Variants in RAPGEF1 observed in about 807,000 individuals in gnomAD.
RAPGEF1 encodes CRK SH3-binding GNRP.
In RAPGEF1, 33 loss-of-function variants were observed where a neutral mutation model predicts 143.3. The observed-to-expected ratio is 0.23, with a 90% CI of 0.17 to 0.31. The LOEUF is 0.31. RAPGEF1 is among the 10% of genes least tolerant of loss of function. The probability of loss-of-function intolerance (pLI) is 1.00; values close to 1 mark genes in which losing one functional copy is unlikely to be tolerated. For missense variants in RAPGEF1, 1,199 were observed against 1,645.4 expected, an observed-to-expected ratio of 0.73 and a Z score of 4.69; for synonymous variants, 629 against 676.5, an observed-to-expected ratio of 0.93 and a Z score of 1.09.
chr9:131,600,020 G>A (rs1455074776), intron 15 of RAPGEF1, among the ~76,000 whole-genome samples: 1 of 152,118 alleles, frequency 6.6e-6, no homozygotes, highest in Admixed American at 6.5e-5. Flanking sequence ...GGAGGCTGGG[G>A]CAGGAGAATC....
chr9:131,676,165 C>T (rs1380582243), intron 1 of RAPGEF1, among the ~76,000 whole-genome samples: 1 of 152,170 alleles, frequency 6.6e-6, no homozygotes, highest in African/African-American at 2.4e-5. Context: ...TAAAAGAAAA[C>T]CGTGGACAGA....
intron 1 of RAPGEF1, among the ~76,000 whole-genome samples, chr9:131,685,272 A>G (rs1833246113): frequency 6.6e-6 from 1 of 152,202 alleles, no homozygotes; most frequent in Non-Finnish European, 1.5e-5. Flanking sequence ...CCTTGCTTTT[A>G]TGGATTTGCA....
At chr9:131,705,604 G>T (rs931029709) in intron 1 of RAPGEF1, among the ~76,000 whole-genome samples, 2 of 152,006 alleles carry the variant, frequency 1.3e-5, no homozygotes, top group African/African-American at 4.8e-5. Flanking sequence ...AACTCACTGC[G>T]GTAATACAAA....
chr9:131,682,600 G>C (rs1474051676), intron 1 of RAPGEF1, among the ~76,000 whole-genome samples: 1 of 152,200 alleles, frequency 6.6e-6, no homozygotes, highest in Non-Finnish European at 1.5e-5. Flanking sequence ...TCAAATTGTT[G>C]TAACTACTTC....
chr9:131,660,689 T>C (rs1420994477), intron 1 of RAPGEF1, among the ~76,000 whole-genome samples: 1 of 152,152 alleles, frequency 6.6e-6, no homozygotes, highest in African/African-American at 2.4e-5. Context: ...GGATGCGACA[T>C]AGTCAAACTG....
rs528935495 is a variant in RAPGEF1, at chr9:131,583,008, G to A, written c.3415-306C>T. On this transcript the variant is annotated intron_variant, in intron 24 of 26. Coordinates refer to ENST00000683357, the MANE Select transcript of RAPGEF1 (RefSeq NM_001377935.1). This position sits in a 1 kb window ranked among gnomAD's most constrained non-coding sequence, Gnocchi z 4.7. Reference sequence around the variant, plus strand: ...AGCGCTTGTGTGTATACGACATCCCGGAAGATGGGCTCCTGCCTGGCCCTG... The same window carrying A: ...AGCGCTTGTGTGTATACGACATCCCAGAAGATGGGCTCCTGCCTGGCCCTG... 5.2e-4 allele frequency among the ~76,000 whole-genome samples: 79 copies of A among 152,304 alleles called. No homozygotes were observed. Among genetic ancestry groups the A allele is most frequent in the Non-Finnish European group, 9.3e-4 (63 of 68,020 alleles).
chr9:131,659,963 C>T (rs553575178), intron 1 of RAPGEF1, among the ~76,000 whole-genome samples: 16 of 152,220 alleles, frequency 1.1e-4, no homozygotes, highest in African/African-American at 3.1e-4. Flanking sequence ...GAACTACAGG[C>T]GCCCGCCACC....
chr9:131,623,868 G>A (rs1328637008), intron 10 of RAPGEF1, among the ~76,000 whole-genome samples: 1 of 152,092 alleles, frequency 6.6e-6, no homozygotes, highest in Non-Finnish European at 1.5e-5. Flanking sequence ...CGTTAGCCAC[G>A]CGGCCAGGGT....
chr9:131,617,183 G>A (rs1959137343), intron 12 of RAPGEF1, among the ~76,000 whole-genome samples: 1 of 152,238 alleles, frequency 6.6e-6, no homozygotes, highest in African/African-American at 2.4e-5. Context: ...GAAACTCTAA[G>A]GGGAAAGAAA....
At chr9:131,645,494 C>G (rs959960894) in intron 3 of RAPGEF1, among the ~76,000 whole-genome samples, 49 of 152,228 alleles carry the variant, frequency 3.2e-4, no homozygotes, top group African/African-American at 9.9e-4. Flanking sequence ...TCAGGCTGTC[C>G]TGGGCTCCTC....
intron 12 of RAPGEF1, among the ~76,000 whole-genome samples, chr9:131,614,376 A>G (rs1887787): frequency 0.77 from 116,967 of 152,192 alleles, 45,209 homozygotes; most frequent in Non-Finnish European, 0.78. Context: ...CTTCCCTCCC[A>G]TGGGCCATTC....
intron 1 of RAPGEF1, among the ~76,000 whole-genome samples, chr9:131,738,275 T>C (rs1220091114): frequency 6.6e-6 from 1 of 151,750 alleles, no homozygotes; most frequent in Non-Finnish European, 1.5e-5. Context: ...AAAGTTCTTA[T>C]AAAAGAACTC....
intron 1 of RAPGEF1, among the ~76,000 whole-genome samples, chr9:131,727,060 AT>A (rs879508209): frequency 3.0e-4 from 45 of 151,726 alleles, no homozygotes; most frequent in African/African-American, 8.9e-4. Context: ...ACTATACATA[AT>A]TTTTTTTTAA....
chr9:131,665,446 T>C (rs1053173529), intron 1 of RAPGEF1, among the ~76,000 whole-genome samples: 3 of 152,118 alleles, frequency 2.0e-5, no homozygotes, highest in African/African-American at 7.2e-5. Flanking sequence ...AGTGCCATCT[T>C]TATTCCTCAA....
In RAPGEF1 at chr9:131,619,164, C is replaced by T. The variant is rs1324814173; in HGVS notation, c.1948G>A (p.Val650Ile). 7.6e-7 allele frequency: 1 copy of T among 1,311,084 alleles called. No homozygotes were observed. The highest frequency in any genetic ancestry group is 5.4e-5 in the East Asian group (1 of 18,542). 81.2% of individuals were successfully genotyped at this position (1,311,084 alleles called of 1,614,324 possible). The change falls in exon 12 of 27, where the codon GTC becomes ATC. Residue 650 changes from valine to isoleucine, a missense_variant. Physicochemically the swap from Val to Ile is conservative, Grantham distance 29 (BLOSUM62 3). Around this residue, in one of 6 missense-constraint regions of RAPGEF1, gnomAD observed 293 missense variants for 356.2 expected, o/e 0.82. Transcript: ENST00000683357. ...GTGAAGGCCACTTTAGTTTGCTGGA[C>T]ACAGTGGGAGACAGAGGAGAAGGAA... ...ASSFSSVSHC[V>I]QQTKVAFTPE...
At chr9:131,604,084 AT>A (rs1956720908) in intron 13 of RAPGEF1, 31 bp from the exon 14 acceptor site, 1 of 1,271,028 alleles carries the variant, frequency 7.9e-7, no homozygotes, top group Non-Finnish European at 1.0e-6. Flanking sequence ...GGAAAGACAC[AT>A]GGGCCAGGCC....
chr9:131,684,023 T>C (rs546656732), intron 1 of RAPGEF1, among the ~76,000 whole-genome samples: 1 of 152,368 alleles, frequency 6.6e-6, no homozygotes, highest in South Asian at 2.1e-4. Context: ...AAATATCTAA[T>C]GCTAGACACT....
chr9:131,718,091 C>T (rs1477615878), intron 1 of RAPGEF1, among the ~76,000 whole-genome samples: 2 of 152,180 alleles, frequency 1.3e-5, no homozygotes, highest in Non-Finnish European at 2.9e-5. Context: ...GATCAGCAAA[C>T]GGTGGCACCA....
At chr9:131,703,290 A>G (rs1015934176) in intron 1 of RAPGEF1, among the ~76,000 whole-genome samples, 1 of 152,196 alleles carries the variant, frequency 6.6e-6, no homozygotes, top group Non-Finnish European at 1.5e-5. Context: ...GTGAGCCATC[A>G]TGCCCGGTCA....
Sources: allele counts gnomAD v4.1 joint callset (sites outside exome capture counted in the v4.1 genomes callset), GRCh38; gene constraint gnomAD v4.1.1; regional missense constraint gnomAD v4.1.1; non-coding constraint Gnocchi (gnomAD v3.1); transcripts MANE v1.5; gene names NCBI Gene and HGNC (gene_info 2026-07-23, HGNC 2026-07-21).